Variants in UTP14A observed in about 807,000 individuals in gnomAD.
UTP14A encodes U3 small nucleolar RNA-associated protein 14 homolog A.
Under a neutral mutation model 57.2 loss-of-function variants are expected in UTP14A, and 5 were observed. That is an observed-to-expected ratio of 0.09 (90% CI 0.05 to 0.18). The LOEUF (loss-of-function observed/expected upper bound fraction) is 0.18, where lower values mean the gene tolerates loss of function less well. Among genes scored for constraint, UTP14A ranks in the 10% least tolerant of loss-of-function variants. UTP14A has a pLI of 1.00. For synonymous variants in UTP14A, 169 were observed against 210.9 expected, an observed-to-expected ratio of 0.80 and a Z score of 1.72; for missense variants, 430 against 562.1, an observed-to-expected ratio of 0.76 and a Z score of 2.38.
chrX:129,911,716 G>C, intron 5 of UTP14A, 50 bp from the exon 6 acceptor site: 1 of 1,190,309 alleles, frequency 8.4e-7, no homozygotes, highest in Non-Finnish European at 1.1e-6. Flanking sequence ...CTTTGGGTTT[G>C]ATGCTTTAAT....
chrX:129,907,499 A>G, intron 2 of UTP14A, 57 bp downstream of exon 2: 1 of 1,023,631 alleles, frequency 9.8e-7, no homozygotes, highest in Non-Finnish European at 1.4e-6. Flanking sequence ...CATTCCTGGA[A>G]TGGAAGGGTG....
Position 129,920,596 on chromosome X carries a change from G to GGC in UTP14A, c.876+16_876+17insGC. The GGC allele has an allele frequency of 8.3e-7, 1 of 1,208,206 alleles. No homozygotes were observed. Among genetic ancestry groups the GGC allele is most frequent in the Non-Finnish European group, 1.1e-6 (1 of 893,523 alleles). On this transcript the variant is annotated intron_variant, in intron 9 of 14. Coordinates refer to ENST00000394422, the MANE Select transcript of UTP14A (RefSeq NM_006649.4). ...CAGAATGATGGTGAGACTACCTCTT[G>GGC]CCCCACCCCCACCCCTTTGAACCAG...
chrX:129,919,339 T>C, intron 7 of UTP14A, 45 bp downstream of exon 7: 1 of 1,209,640 alleles, frequency 8.3e-7, no homozygotes, highest in Middle Eastern at 2.3e-4. Flanking sequence ...CATGCCACGC[T>C]TCTCCTAGCA....
intron 6 of UTP14A, among the ~76,000 whole-genome samples, chrX:129,915,987 T>C (rs1483704770): frequency 1.0e-5 from 1 of 96,177 alleles, no homozygotes; most frequent in Non-Finnish European, 2.1e-5. Flanking sequence ...GGAGTCTTGC[T>C]CTGTCGCCCA....
rs5977175 is a variant in UTP14A, at chrX:129,919,799, G to A, written c.752+310G>A. Among the ~76,000 whole-genome samples the A allele has an allele frequency of 5.4e-3, 598 of 111,546 alleles. 3 individuals are homozygous for A. Among genetic ancestry groups the A allele is most frequent in the African/African-American group, 0.019 (568 of 30,693 alleles). ...CTTTTTGCCTCTTTGAAACTTGTTCGGCCGGGTGTGGTGGCTATGCTTGTA... is the reference window on the plus strand; with the variant it reads ...CTTTTTGCCTCTTTGAAACTTGTTCAGCCGGGTGTGGTGGCTATGCTTGTA... On this transcript the variant is annotated intron_variant, in intron 8 of 14. Transcript: ENST00000394422.
At position 129,926,697 on chromosome X, in the gene UTP14A, C is replaced by T. The variant is rs145270025; in HGVS notation, c.2043+358C>T. The stretch of plus-strand genomic sequence containing the variant: ...TGTTTACAAGAGAAGAAAATTTGAG[C>T]GTGATTACGGTGTTCAAGTATATCG... On this transcript the variant is annotated intron_variant, in intron 14 of 14. Transcript: ENST00000394422. Among the ~76,000 whole-genome samples, 8 of 111,783 alleles carry T rather than the reference C, an allele frequency of 7.2e-5. No homozygotes were observed. The East Asian group carries it at 2.0e-3, about 27-fold the overall frequency.
At chrX:129,907,273 T>A (rs1200552695) in intron 1 of UTP14A, 94 bp from the exon 2 acceptor site, 4 of 700,016 alleles carry the variant, frequency 5.7e-6, no homozygotes, top group Non-Finnish European at 8.3e-6. Context: ...ATTTCTTTTT[T>A]TAATTTCGAC....
chrX:129,928,384 CAAAAAAA>C (rs1183151025), intron 14 of UTP14A, among the ~76,000 whole-genome samples: 214 of 8,725 alleles, frequency 0.025, 1 homozygote, highest in Non-Finnish European at 0.029. Flanking sequence ...GACTCCATCT[CAAAAAAA>C]AAAAAAAAAA....
intron 2 of UTP14A, 61 bp from the exon 3 acceptor site, chrX:129,907,999 A>G: frequency 2.1e-6 from 2 of 972,113 alleles, no homozygotes; most frequent in South Asian, 2.1e-5. Context: ...ATGAGACTCA[A>G]TTTCCATGTT....
chrX:129,906,910 T>C (rs901739607), intron 1 of UTP14A, among the ~76,000 whole-genome samples: 9 of 110,788 alleles, frequency 8.1e-5, no homozygotes, highest in Non-Finnish European at 1.1e-4. Flanking sequence ...GAGTCAAATA[T>C]ATGGAGGATG....
Position 129,929,317 on chromosome X carries a change from C to A in UTP14A, c.2044-19C>A, listed in dbSNP as rs111975985. 0.1 allele frequency: 124,985 copies of A among 1,203,084 alleles called. 4,876 individuals are homozygous for A. Among genetic ancestry groups the A allele is most frequent in the East Asian group, 0.27 (9,204 of 33,586 alleles). On this transcript the variant is annotated intron_variant, in intron 14 of 14. Transcript: ENST00000394422. Reference sequence around the variant, plus strand: ...ACCCCAGGCCTGCCTCATACCAAATCATTCTCCTTCCTTTCCAGGTACGAG... The same window carrying A: ...ACCCCAGGCCTGCCTCATACCAAATAATTCTCCTTCCTTTCCAGGTACGAG...
intron 8 of UTP14A, among the ~76,000 whole-genome samples, chrX:129,919,964 G>T (rs1460603159): frequency 3.6e-5 from 4 of 111,416 alleles, no homozygotes; most frequent in African/African-American, 1.3e-4. Flanking sequence ...TCAGGCAGGT[G>T]GATCACTTGA....
At position 129,911,058 on chromosome X, in the gene UTP14A, T is replaced by G; in HGVS notation, c.289T>G (p.Ser97Ala). 1 of 1,211,725 alleles carries G rather than the reference T, an allele frequency of 8.3e-7. No homozygotes were observed. Among genetic ancestry groups the G allele is most frequent in the Middle Eastern group, 2.3e-4 (1 of 4,353 alleles). The change falls in exon 5 of 15, where the codon TCA becomes GCA. Residue 97 changes from serine to alanine, a missense_variant. By Grantham distance (99) the Ser-to-Ala change is moderately conservative. This residue lies in a region of UTP14A where 145 missense variants were observed against 153.5 expected (regional missense o/e 0.94). Coordinates refer to ENST00000394422, the MANE Select transcript of UTP14A (RefSeq NM_006649.4). The part of the protein sequence containing the change: ...LADLLEPVKT[S>A]SSLATVKKQL... ...AGATCTGCTTGAGCCTGTTAAAACT[T>G]CATCTTCTTTGGCCACTGTGAAAAA...
chrX:129,929,213 C>T, intron 14 of UTP14A, 123 bp from the exon 15 acceptor site: 2 of 883,077 alleles, frequency 2.3e-6, no homozygotes, highest in Non-Finnish European at 3.2e-6. Context: ...TCAGTCTCTT[C>T]ACTTGCAGTC....
At chrX:129,917,744 C>CAACATG (rs1929743131) in intron 6 of UTP14A, among the ~76,000 whole-genome samples, 1 of 110,802 alleles carries the variant, frequency 9.0e-6, no homozygotes, top group Non-Finnish European at 1.9e-5. Flanking sequence ...GTTGCCCAGG[C>CAACATG]TGGTCTCAAA....
intron 14 of UTP14A, among the ~76,000 whole-genome samples, chrX:129,928,438 G>C (rs5977178): frequency 9.6e-4 from 92 of 95,704 alleles, no homozygotes; most frequent in African/African-American, 3.4e-3. Flanking sequence ...CGGCCTGGTA[G>C]AGTTCAGGAT....
At chrX:129,924,704 C>T (rs1930036400) in intron 11 of UTP14A, 91 bp from the exon 12 acceptor site, 3 of 1,053,629 alleles carry the variant, frequency 2.8e-6, no homozygotes, top group Non-Finnish European at 3.8e-6. Flanking sequence ...TTATGTGGTA[C>T]CTAGCACTTG....
At chrX:129,919,917 G>A (rs1301429031) in intron 8 of UTP14A, among the ~76,000 whole-genome samples, 2 of 111,127 alleles carry the variant, frequency 1.8e-5, no homozygotes, top group Non-Finnish European at 3.8e-5. Flanking sequence ...GGCTGGGCAC[G>A]GTGGCTCACA....
intron 11 of UTP14A, among the ~76,000 whole-genome samples, chrX:129,924,283 CTTTTTT>C (rs556719731): frequency 1.5e-4 from 12 of 82,532 alleles, no homozygotes; most frequent in Non-Finnish European, 2.5e-4. Context: ...TCACATGCTA[CTTTTTT>C]TTTTTTTTTT....
Sources: allele counts gnomAD v4.1 joint callset (sites outside exome capture counted in the v4.1 genomes callset), GRCh38; gene constraint gnomAD v4.1.1; regional missense constraint gnomAD v4.1.1; transcripts MANE v1.5; gene names NCBI Gene and HGNC (gene_info 2026-07-23, HGNC 2026-07-21).